BAIAP2: variants seen among roughly 807,000 people sequenced by gnomAD.
BAIAP2 encodes the protein BAR/IMD domain containing adaptor protein 2, also known as BAR/IMD domain-containing adapter protein 2.
A neutral mutation model predicts 63.0 loss-of-function variants in BAIAP2; 18 were observed. That is an observed-to-expected ratio of 0.29 (90% CI 0.20 to 0.42). The LOEUF (loss-of-function observed/expected upper bound fraction) is 0.42. Among genes scored for constraint, BAIAP2 ranks in the 10% least tolerant of loss-of-function variants. The probability of loss-of-function intolerance (pLI) is 1.00; values close to 1 mark genes in which losing one functional copy is unlikely to be tolerated. For synonymous variants in BAIAP2, 386 were observed against 307.6 expected, an observed-to-expected ratio of 1.25 and a Z score of -2.67; for missense variants, 610 against 734.3, an observed-to-expected ratio of 0.83 and a Z score of 1.96.
At chr17:81,038,134 C>G (rs890379590) in intron 1 of BAIAP2, among the ~76,000 whole-genome samples, 3 of 152,248 alleles carry the variant, frequency 2.0e-5, no homozygotes, top group Admixed American at 1.3e-4. Flanking sequence ...CCAGCGCTTG[C>G]TCAGGTTGCC....
chr17:81,059,589 C>T (rs1323097349), intron 3 of BAIAP2, among the ~76,000 whole-genome samples: 1 of 152,198 alleles, frequency 6.6e-6, no homozygotes, highest in Non-Finnish European at 1.5e-5. Flanking sequence ...GGACCACAGG[C>T]GTGCGCCACC....
At chr17:81,091,196 A>ACCCCC (rs1568150017) in intron 6 of BAIAP2, among the ~76,000 whole-genome samples, 8 of 4,584 alleles carry the variant, frequency 1.7e-3, no homozygotes, top group Non-Finnish European at 2.7e-3. Flanking sequence ...GCCCCACCCC[A>ACCCCC]CCCCACCCCA....
intron 1 of BAIAP2, chr17:81,036,788 G>A (rs983827216): frequency 1.6e-6 from 2 of 1,275,132 alleles, no homozygotes; most frequent in Non-Finnish European, 2.2e-6. Context: ...CTCTGTGGAA[G>A]CACATGTTGT....
chr17:81,065,049 C>T (rs1239881810), intron 3 of BAIAP2, among the ~76,000 whole-genome samples: 1 of 152,222 alleles, frequency 6.6e-6, no homozygotes, highest in East Asian at 1.9e-4. Flanking sequence ...CGGGGCACAC[C>T]CACTGCTCTC....
intron 1 of BAIAP2, among the ~76,000 whole-genome samples, chr17:81,037,769 G>A (rs2046482866): frequency 6.6e-6 from 1 of 152,264 alleles, no homozygotes; most frequent in African/African-American, 2.4e-5. Context: ...GTTTGGTTTG[G>A]TTTGGACATT....
intron 4 of BAIAP2, 69 bp from the exon 5 acceptor site, chr17:81,085,585 C>T (rs771571417): frequency 2.2e-6 from 3 of 1,373,804 alleles, no homozygotes; most frequent in African/African-American, 1.4e-5. Flanking sequence ...CGCTCTAGCC[C>T]TGCCCTGCCT....
chr17:81,097,320 A>G (rs1028334435), intron 6 of BAIAP2, among the ~76,000 whole-genome samples: 4 of 152,070 alleles, frequency 2.6e-5, no homozygotes, highest in African/African-American at 7.2e-5. Context: ...GGCCTTGGGG[A>G]CAGCATGGTC....
chr17:81,061,160 T>C (rs1376828733), intron 3 of BAIAP2, among the ~76,000 whole-genome samples: 5 of 152,226 alleles, frequency 3.3e-5, no homozygotes, highest in African/African-American at 7.2e-5. Flanking sequence ...GGATTCTTAT[T>C]ACGGAAGATG....
In BAIAP2 at chr17:81,057,969, T is replaced by TGCGGGGGGGGGGGGGGGGGGGG; in HGVS notation, c.217+3_217+4insCGGGGGGGGGGGGGGGGGGGGG. The TGCGGGGGGGGGGGGGGGGGGGG allele has an allele frequency of 2.1e-6, 2 of 964,862 alleles. No individual in the cohort carries two copies. The highest frequency in any genetic ancestry group is 2.8e-6 in the Non-Finnish European group (2 of 713,586). The allele number at this position is 964,862 out of a possible 1,614,324, so 59.8% of individuals were successfully genotyped here. On this transcript the variant is annotated splice_region_variant and intron_variant, in intron 3 of 13. Transcript: ENST00000428708. ...AGAGCCAGGGCTCCAAAGAACTCGGTGAGACCCCCCCCCCCCCCCCGCCTG... is the reference window on the plus strand; with the variant it reads ...AGAGCCAGGGCTCCAAAGAACTCGGTGCGGGGGGGGGGGGGGGGGGGGGAGACCCCCCCCCCCCCCCCGCCTG...
Position 81,035,178 on chromosome 17 carries a change from C to G in BAIAP2, c.-77C>G, listed in dbSNP as rs1028291383. 7.1e-6 allele frequency: 9 copies of G among 1,261,290 alleles called. 1 individual carries two copies. In the Admixed American group the frequency reaches 7.7e-5, roughly 11 times the overall value. 78.1% of individuals were successfully genotyped at this position (1,261,290 alleles called of 1,614,324 possible). A position where few individuals can be genotyped will look rare whatever the true frequency, so the allele number is the denominator to read the frequency against. On this transcript the variant is annotated 5_prime_UTR_variant, in exon 1 of 14. Transcript: ENST00000428708. ...GGTTCGGGTCCGCTTTCGTCTCCGT[C>G]CTGCTGCCGTTACCGCCGCTGCTGC... is the stretch of plus-strand genomic sequence containing the variant.
At chr17:81,055,583 T>TTTTTTTTTTTTTTTTTTTTTTG (rs2049390641) in intron 2 of BAIAP2, among the ~76,000 whole-genome samples, 1 of 149,234 alleles carries the variant, frequency 6.7e-6, no homozygotes, top group African/African-American at 2.4e-5. Flanking sequence ...TGTTTTTTTT[T>TTTTTTTTTTTTTTTTTTTTTTG]GAGACGGAGT....
chr17:81,110,642 C>T lies in BAIAP2; in HGVS notation c.1535+2133C>T, dbSNP rs774427868. ...CTGCTAGATAACCTGGGCTTGCACA[C>T]GGTGCTGGCCCCAGTGACAGTCGCT... On this transcript the variant is annotated intron_variant, in intron 13 of 13. Coordinates refer to ENST00000428708, the MANE Select transcript of BAIAP2 (RefSeq NM_001144888.2). 423 of 1,232,658 alleles carry T rather than the reference C, an allele frequency of 3.4e-4. 1 individual carries two copies. The highest frequency in any genetic ancestry group is 3.8e-4 in the Non-Finnish European group (371 of 969,016). 76.4% of individuals were successfully genotyped at this position (1,232,658 alleles called of 1,614,324 possible).
At chr17:81,094,550 G>A (rs539381072) in intron 6 of BAIAP2, among the ~76,000 whole-genome samples, 29 of 152,302 alleles carry the variant, frequency 1.9e-4, no homozygotes, top group African/African-American at 6.7e-4. Context: ...GGGCCAGAGG[G>A]TGCGGCTTAC....
chr17:81,045,832 G>A (rs1205411528), intron 1 of BAIAP2, among the ~76,000 whole-genome samples: 1 of 152,104 alleles, frequency 6.6e-6, no homozygotes, highest in Non-Finnish European at 1.5e-5. Flanking sequence ...GCCAGGCCAC[G>A]CCGAAGCTGC....
chr17:81,069,030 G>C (rs1368496127), intron 3 of BAIAP2, among the ~76,000 whole-genome samples: 2 of 152,180 alleles, frequency 1.3e-5, no homozygotes, highest in African/African-American at 4.8e-5. Flanking sequence ...CAGCCCCAGG[G>C]GTGATCCCGG....
At chr17:81,073,232 T>C (rs2053020232) in intron 3 of BAIAP2, among the ~76,000 whole-genome samples, 1 of 152,148 alleles carries the variant, frequency 6.6e-6, no homozygotes. Context: ...TCCCCACCAC[T>C]GTGGTCCCAG....
At chr17:81,059,995 T>C (rs570018401) in intron 3 of BAIAP2, among the ~76,000 whole-genome samples, 13 of 152,236 alleles carry the variant, frequency 8.5e-5, no homozygotes, top group African/African-American at 3.1e-4. Flanking sequence ...GGAGGGAAGC[T>C]TCAGAAGAGA....
rs958225086 is a variant in BAIAP2 at position 81,115,903 on chromosome 17, GTCA to G, written c.*70_*72del. The stretch of plus-strand genomic sequence containing the variant: ...CCGCCCTTCCCATGTAGCCTGTTCT[GTCA>G]TCATCTGTGCGTTCCTGTGTAGAGA... On this transcript the variant is annotated 3_prime_UTR_variant, in exon 14 of 14. Coordinates refer to ENST00000428708, the MANE Select transcript of BAIAP2 (RefSeq NM_001144888.2). The G allele has an allele frequency of 6.2e-7, 1 of 1,601,466 alleles. No homozygotes were observed. Among genetic ancestry groups the G allele is most frequent in the African/African-American group, 1.3e-5 (1 of 74,784 alleles).
chr17:81,095,682 G>A (rs558517112), intron 6 of BAIAP2, among the ~76,000 whole-genome samples: 1 of 152,140 alleles, frequency 6.6e-6, no homozygotes, highest in Admixed American at 6.5e-5. Flanking sequence ...GCTGCTCTGG[G>A]AACATCTCTC....
Sources: allele counts gnomAD v4.1 joint callset (sites outside exome capture counted in the v4.1 genomes callset), GRCh38; gene constraint gnomAD v4.1.1; transcripts MANE v1.5; gene names NCBI Gene and HGNC (gene_info 2026-07-23, HGNC 2026-07-21).